The following NXPH1 variants were observed in gnomAD, a reference collection of about 807,000 sequenced individuals.
NXPH1 encodes the protein neurexophilin 1.
NXPH1 carries 5 observed loss-of-function variants against 23.7 expected under a neutral mutation model. The ratio of observed to expected loss-of-function variants is 0.21; its 90% CI spans 0.11 to 0.44. The LOEUF is 0.44. NXPH1 is among the 20% of genes least tolerant of loss of function. The probability of loss-of-function intolerance (pLI) is 0.99; values close to 1 mark genes in which losing one functional copy is unlikely to be tolerated. For synonymous variants in NXPH1, 144 were observed against 122.2 expected (o/e 1.18, Z -1.18); for missense variants, 324 against 321.6 (o/e 1.01, Z -0.06).
At chr7:8,578,245 T>C (rs571198156) in intron 2 of NXPH1, among the ~76,000 whole-genome samples, 1 of 152,198 alleles carries the variant, frequency 6.6e-6, no homozygotes, top group African/African-American at 2.4e-5. Context: ...CCATTGTAAG[T>C]TGAAAATACT....
intron 2 of NXPH1, among the ~76,000 whole-genome samples, chr7:8,681,099 C>G (rs1821042511): frequency 6.6e-6 from 1 of 152,184 alleles, no homozygotes; most frequent in Non-Finnish European, 1.5e-5. Context: ...CTTTGCTGTC[C>G]CTGGCCAGCC....
chr7:8,469,707 G>A (rs75362138), intron 2 of NXPH1, among the ~76,000 whole-genome samples: 1 of 152,086 alleles, frequency 6.6e-6, no homozygotes, highest in African/African-American at 2.4e-5. Context: ...TGCACACTAT[G>A]ATGAGGGTAA....
intron 2 of NXPH1, among the ~76,000 whole-genome samples, chr7:8,455,249 C>T (rs191753890): frequency 2.0e-4 from 30 of 152,144 alleles, no homozygotes; most frequent in African/African-American, 2.2e-4. Flanking sequence ...TTGTGGCATA[C>T]GGCTAAAAAG....
chr7:8,534,199 G>A lies in NXPH1; in HGVS notation c.54+98432G>A, dbSNP rs191258472. ...TTATCACTTGACATAGTTAGAGGTC[G>A]CTCTGAGCAGATGCTGGTGCCTCAA... is the stretch of plus-strand genomic sequence containing the variant. On this transcript the variant is annotated intron_variant, in intron 2 of 2. Coordinates refer to ENST00000405863, the MANE Select transcript of NXPH1 (RefSeq NM_152745.3). Among the ~76,000 whole-genome samples the A allele has an allele frequency of 1.1e-4, 17 of 152,096 alleles. No individual in the cohort carries two copies. The East Asian group carries it at 1.9e-3, about 17-fold the overall frequency.
Position 8,466,669 on chromosome 7 carries a change from G to A in NXPH1, c.54+30902G>A, listed in dbSNP as rs535371630. 5.9e-5 allele frequency among the ~76,000 whole-genome samples: 9 copies of A among 152,242 alleles called. No homozygotes were observed. The South Asian group carries it at 1.7e-3, about 28-fold the overall frequency. On this transcript the variant is annotated intron_variant, in intron 2 of 2. Transcript: ENST00000405863. The stretch of plus-strand genomic sequence containing the variant: ...GGAAAATCCTTTCATCTGATGGCTT[G>A]TGATATTACTCATATTACCTATTTT...
Position 8,470,008 on chromosome 7 carries a change from G to T in NXPH1, c.54+34241G>T, listed in dbSNP as rs144604680. Among the ~76,000 whole-genome samples the T allele has an allele frequency of 1.1e-3, 163 of 152,184 alleles. 1 individual carries two copies. The highest frequency in any genetic ancestry group is 3.7e-3 in the African/African-American group (155 of 41,550). On this transcript the variant is annotated intron_variant, in intron 2 of 2. Coordinates refer to ENST00000405863, the MANE Select transcript of NXPH1 (RefSeq NM_152745.3). Reference sequence around the variant, plus strand: ...CATTCTACTAAACTGACCTCCAACTGTATCTTAACATTGCATACATTAGAC... The same window carrying T: ...CATTCTACTAAACTGACCTCCAACTTTATCTTAACATTGCATACATTAGAC...
At position 8,725,397 on chromosome 7, in the gene NXPH1, T is replaced by C. The variant is rs954526886; in HGVS notation, c.55-25611T>C. On this transcript the variant is annotated intron_variant, in intron 2 of 2. Coordinates refer to ENST00000405863, the MANE Select transcript of NXPH1 (RefSeq NM_152745.3). Reference sequence around the variant, plus strand: ...CCCAGCTACGCAGTAGGCTGAGGCATGAGGATGGCTAGAACCTGGGAGGCA... The same window carrying C: ...CCCAGCTACGCAGTAGGCTGAGGCACGAGGATGGCTAGAACCTGGGAGGCA... Among the ~76,000 whole-genome samples, 4 of 150,740 alleles carry C rather than the reference T, an allele frequency of 2.7e-5. No homozygotes were observed. In the South Asian group the frequency reaches 8.4e-4, roughly 32 times the overall value.
intron 2 of NXPH1, among the ~76,000 whole-genome samples, chr7:8,745,709 C>T (rs922842596): frequency 1.9e-4 from 28 of 147,418 alleles, no homozygotes; most frequent in Middle Eastern, 6.5e-3. Flanking sequence ...TGTGCCACCA[C>T]GCCCAGCTAA....
At chr7:8,458,621 C>G (rs1584168234) in intron 2 of NXPH1, among the ~76,000 whole-genome samples, 1 of 152,270 alleles carries the variant, frequency 6.6e-6, no homozygotes, top group Non-Finnish European at 1.5e-5. Context: ...AGTATTTCTC[C>G]TACAATAAAC....
intron 2 of NXPH1, among the ~76,000 whole-genome samples, chr7:8,718,402 G>A (rs747187807): frequency 1.3e-5 from 2 of 152,132 alleles, no homozygotes. Context: ...TCATTTCAGA[G>A]CTAACATGTC....
intron 2 of NXPH1, among the ~76,000 whole-genome samples, chr7:8,544,350 C>A (rs1562397403): frequency 6.6e-6 from 1 of 151,636 alleles, no homozygotes; most frequent in East Asian, 2.0e-4. Context: ...ACCCTCCTAC[C>A]ACGATTGTGT....
At chr7:8,728,292 A>G (rs989605708) in intron 2 of NXPH1, among the ~76,000 whole-genome samples, 1 of 152,190 alleles carries the variant, frequency 6.6e-6, no homozygotes, top group Non-Finnish European at 1.5e-5. Context: ...AAACAGGGAC[A>G]ATTTGACTTC....
At chr7:8,573,581 G>A (rs1818693074) in intron 2 of NXPH1, among the ~76,000 whole-genome samples, 1 of 152,116 alleles carries the variant, frequency 6.6e-6, no homozygotes, top group Non-Finnish European at 1.5e-5. Context: ...GGTACAAACA[G>A]CCTGAAAAGG....
chr7:8,618,520 C>T (rs1307275419), intron 2 of NXPH1, among the ~76,000 whole-genome samples: 1 of 152,114 alleles, frequency 6.6e-6, no homozygotes. Flanking sequence ...TTCCTTCATA[C>T]TCTTTATGTG....
intron 2 of NXPH1, among the ~76,000 whole-genome samples, chr7:8,508,851 G>A (rs1176949302): frequency 2.0e-5 from 3 of 152,062 alleles, no homozygotes; most frequent in Non-Finnish European, 4.4e-5. Flanking sequence ...TAAAAGGAAA[G>A]ATATCAGTCT....
At chr7:8,473,288 T>A (rs186311056) in intron 2 of NXPH1, among the ~76,000 whole-genome samples, 1 of 152,144 alleles carries the variant, frequency 6.6e-6, no homozygotes, top group Non-Finnish European at 1.5e-5. Flanking sequence ...CAGGCTGTAT[T>A]ATCTAAGTTA....
intron 2 of NXPH1, among the ~76,000 whole-genome samples, chr7:8,703,351 T>C (rs1284624967): frequency 6.6e-6 from 1 of 152,140 alleles, no homozygotes; most frequent in Non-Finnish European, 1.5e-5. Flanking sequence ...CTCAGTCCCC[T>C]AATTTAATAC....
At chr7:8,674,138 G>A (rs994900593) in intron 2 of NXPH1, among the ~76,000 whole-genome samples, 3 of 148,290 alleles carry the variant, frequency 2.0e-5, no homozygotes, top group Non-Finnish European at 4.5e-5. Flanking sequence ...TTTAATCAAT[G>A]TCCCTAGTAC....
Position 8,530,308 on chromosome 7 carries a change from A to G in NXPH1, c.54+94541A>G, listed in dbSNP as rs189800065. 1.4e-4 allele frequency among the ~76,000 whole-genome samples: 22 copies of G among 152,306 alleles called. No individual in the cohort carries two copies. The East Asian group carries it at 4.1e-3, about 28-fold the overall frequency. ...AATTTTAGAGATCTTATCTTTTCCA[A>G]TATTGAGACCTAAAAAGCAACGTGT... On this transcript the variant is annotated intron_variant, in intron 2 of 2. Coordinates refer to ENST00000405863, the MANE Select transcript of NXPH1 (RefSeq NM_152745.3).
Sources: gnomAD v4.1 joint callset for allele counts (sites outside exome capture counted in the v4.1 genomes callset) on GRCh38, gnomAD v4.1.1 for gene constraint, MANE v1.5 for transcripts, NCBI Gene and HGNC (gene_info 2026-07-23, HGNC 2026-07-21) for gene names.